The following TMOD1 variants were observed in gnomAD, a reference collection of about 807,000 sequenced individuals.
TMOD1 encodes the protein tropomodulin 1.
Under a neutral mutation model 40.6 loss-of-function variants are expected in TMOD1, and 17 were observed. That is an observed-to-expected ratio of 0.42 (90% CI 0.29 to 0.63). TMOD1 has a LOEUF of 0.63. Among genes scored for constraint, TMOD1 ranks in the 20% least tolerant of loss-of-function variants. The pLI, the probability that TMOD1 is intolerant of heterozygous loss-of-function variation, is 0.22. For missense variants in TMOD1, 391 were observed against 447.6 expected (o/e 0.87, Z 1.14); for synonymous variants, 181 against 175.0 (o/e 1.03, Z -0.27).
In TMOD1 at chr9:97,601,364, G is replaced by A; in HGVS notation, c.*1666G>A. 9.0e-7 allele frequency: 1 copy of A among 1,109,406 alleles called. No homozygotes were observed. Among genetic ancestry groups the A allele is most frequent in the Non-Finnish European group, 1.1e-6 (1 of 898,528 alleles). 68.7% of individuals were successfully genotyped at this position (1,109,406 alleles called of 1,614,324 possible). A position where few individuals can be genotyped will look rare whatever the true frequency, so the allele number is the denominator to read the frequency against. Reference sequence around the variant, plus strand: ...AGTGCTGGATGACCTCAGTAAGAATGTGTCATGTATTCCAGGTGCTGATCT... The same window carrying A: ...AGTGCTGGATGACCTCAGTAAGAATATGTCATGTATTCCAGGTGCTGATCT... On this transcript the variant is annotated 3_prime_UTR_variant, in exon 10 of 10. Coordinates refer to ENST00000259365, the MANE Select transcript of TMOD1 (RefSeq NM_003275.4).
chr9:97,576,785 C>G (rs986035244), intron 8 of TMOD1, among the ~76,000 whole-genome samples: 6 of 152,092 alleles, frequency 3.9e-5, no homozygotes, highest in Admixed American at 1.3e-4. Context: ...AGGTGCCCGC[C>G]ACCACGTCCA....
At chr9:97,546,491 A>C in intron 3 of TMOD1, 150 bp downstream of exon 3, 1 of 708,050 alleles carries the variant, frequency 1.4e-6, no homozygotes, top group Non-Finnish European at 2.2e-6. Context: ...CCCAAACCCA[A>C]CTTCAAAAGC....
At chr9:97,532,853 G>A (rs774009362) in intron 2 of TMOD1, among the ~76,000 whole-genome samples, 3 of 152,196 alleles carry the variant, frequency 2.0e-5, no homozygotes, top group Non-Finnish European at 2.9e-5. Flanking sequence ...GTATGTGTAT[G>A]TAAGAAAATG....
At chr9:97,524,870 A>T (rs1829982877) in intron 2 of TMOD1, among the ~76,000 whole-genome samples, 1 of 87,982 alleles carries the variant, frequency 1.1e-5, no homozygotes, top group Non-Finnish European at 2.7e-5. Context: ...CCACCGCCAT[A>T]TCAGGGGGAA....
At chr9:97,561,243 G>A (rs1398685424) in intron 4 of TMOD1, among the ~76,000 whole-genome samples, 2 of 152,206 alleles carry the variant, frequency 1.3e-5, no homozygotes, top group Non-Finnish European at 2.9e-5. Flanking sequence ...TTCCCAGGCT[G>A]TTCCTAGGAA....
chr9:97,522,640 C>T (rs984083533), intron 1 of TMOD1, among the ~76,000 whole-genome samples: 9 of 152,184 alleles, frequency 5.9e-5, no homozygotes, highest in Admixed American at 5.9e-4. Flanking sequence ...TGGCTCACTG[C>T]AGCCTCGACC....
intron 2 of TMOD1, among the ~76,000 whole-genome samples, chr9:97,541,449 A>G (rs1417844289): frequency 1.3e-5 from 2 of 151,902 alleles, no homozygotes; most frequent in Middle Eastern, 3.2e-3. Context: ...CAGCCTCCCA[A>G]AAGTGCTGAG....
At chr9:97,551,053 T>C (rs1830447922) in intron 3 of TMOD1, among the ~76,000 whole-genome samples, 1 of 141,784 alleles carries the variant, frequency 7.1e-6, no homozygotes, top group Non-Finnish European at 1.5e-5. Flanking sequence ...AGATGGAGTC[T>C]TGCTCTGTCT....
rs538329314 is a variant in TMOD1, at chr9:97,560,453, T to C, written c.398-2279T>C. 3.3e-5 allele frequency among the ~76,000 whole-genome samples: 5 copies of C among 152,088 alleles called. No individual in the cohort carries two copies. In the South Asian group the frequency reaches 8.3e-4, roughly 25 times the overall value. On this transcript the variant is annotated intron_variant, in intron 4 of 9. Coordinates refer to ENST00000259365, the MANE Select transcript of TMOD1 (RefSeq NM_003275.4). The stretch of plus-strand genomic sequence containing the variant: ...TTCAAATTTCAGAGAACAACAAATA[T>C]GTCCCAATATTGAATGGGGCGTACT...
chr9:97,555,577 C>G, intron 4 of TMOD1: 2 of 1,535,420 alleles, frequency 1.3e-6, no homozygotes, highest in Non-Finnish European at 1.8e-6. Context: ...GAGAGGGGAG[C>G]TGTAAGTCTA....
intron 4 of TMOD1, among the ~76,000 whole-genome samples, chr9:97,562,525 A>T (rs565074007): frequency 6.6e-6 from 1 of 152,352 alleles, no homozygotes; most frequent in South Asian, 2.1e-4. Context: ...ATCAGAGGCC[A>T]GGGGCAGAGC....
chr9:97,502,361 C>G lies in TMOD1; in HGVS notation c.-49+558C>G, dbSNP rs1342182290. The stretch of plus-strand genomic sequence containing the variant: ...TTTGGGGCAGGTGAAGTTTCCCAAA[C>G]TGGGAGAGACAAGGTTTAAAGCACC... On this transcript the variant is annotated intron_variant, in intron 1 of 9. Transcript: ENST00000259365. The surrounding 1 kb of genome is among the most constrained non-coding windows in gnomAD (Gnocchi z 6.1). Among the ~76,000 whole-genome samples the G allele has an allele frequency of 6.6e-6, 1 of 152,200 alleles. No individual in the cohort carries two copies. The highest frequency in any genetic ancestry group is 1.5e-5 in the Non-Finnish European group (1 of 68,026).
intron 8 of TMOD1, among the ~76,000 whole-genome samples, chr9:97,590,003 T>C (rs10982895): frequency 0.074 from 11,192 of 152,118 alleles, 446 homozygotes; most frequent in African/African-American, 0.085. Context: ...TATGTATATA[T>C]ATGGAAAATA....
At chr9:97,543,124 C>G (rs1314623364) in intron 2 of TMOD1, among the ~76,000 whole-genome samples, 2 of 152,172 alleles carry the variant, frequency 1.3e-5, no homozygotes, top group Non-Finnish European at 2.9e-5. Flanking sequence ...AAACCCTTCT[C>G]CCCTCAGTTA....
At chr9:97,537,016 T>C (rs1286506889) in intron 2 of TMOD1, among the ~76,000 whole-genome samples, 1 of 152,238 alleles carries the variant, frequency 6.6e-6, no homozygotes, top group East Asian at 1.9e-4. Context: ...TCCTTGACCA[T>C]GCTAATATAT....
At chr9:97,537,536 T>C (rs1305200021) in intron 2 of TMOD1, among the ~76,000 whole-genome samples, 10 of 152,242 alleles carry the variant, frequency 6.6e-5, no homozygotes. Flanking sequence ...CAAGTTTCCA[T>C]TGTCCTTTGA....
Position 97,546,268 on chromosome 9 carries a change from G to A in TMOD1, c.204G>A (p.Leu68=). The part of the protein sequence containing the change: ...PTGPFKREEL[L]DHLEKQAKEF... ...GCCCCTTTAAAAGAGAGGAGCTCTT[G>A]GATCACTTGGAAAAGCAAGCAAAGG... is the stretch of plus-strand genomic sequence containing the variant. The change falls in exon 3 of 10, where the codon TTG becomes TTA. Residue 68 remains leucine, a synonymous_variant. Transcript: ENST00000259365. 6.2e-7 allele frequency: 1 copy of A among 1,614,002 alleles called. No homozygotes were observed. The highest frequency in any genetic ancestry group is 8.5e-7 in the Non-Finnish European group (1 of 1,179,996).
chr9:97,515,868 C>A (rs577144157), intron 1 of TMOD1, among the ~76,000 whole-genome samples: 1 of 152,270 alleles, frequency 6.6e-6, no homozygotes, highest in East Asian at 1.9e-4. Context: ...TCACAGGTGA[C>A]AACACGCCCC....
At chr9:97,561,794 C>T (rs924242908) in intron 4 of TMOD1, among the ~76,000 whole-genome samples, 12 of 152,204 alleles carry the variant, frequency 7.9e-5, no homozygotes, top group African/African-American at 2.9e-4. Flanking sequence ...TGGCCTGCCA[C>T]TCTCTGAACC....
Sources: gnomAD v4.1 joint callset for allele counts (sites outside exome capture counted in the v4.1 genomes callset) on GRCh38, gnomAD v4.1.1 for gene constraint, Gnocchi (gnomAD v3.1) non-coding constraint, MANE v1.5 for transcripts, NCBI Gene and HGNC (gene_info 2026-07-23, HGNC 2026-07-21) for gene names.